Variants in FBXW10 observed in about 807,000 individuals in gnomAD.
FBXW10 encodes F-box and WD repeat domain containing 10.
In FBXW10, 68 loss-of-function variants were observed where a neutral mutation model predicts 113.1. The observed-to-expected ratio is 0.60, with a 90% CI of 0.49 to 0.74. The LOEUF (loss-of-function observed/expected upper bound fraction) is 0.74. Ranked by LOEUF, FBXW10 falls within the 30% of genes least tolerant of loss-of-function variation. The pLI, the probability that FBXW10 is intolerant of heterozygous loss-of-function variation, is 0.00. For synonymous variants in FBXW10, 289 were observed against 481.6 expected, an observed-to-expected ratio of 0.60 and a Z score of 5.24; for missense variants, 753 against 1,284.5, an observed-to-expected ratio of 0.59 and a Z score of 6.32.
At chr17:18,768,055 T>TTCCTTCCTTCCTTCCTTCC (rs1244201725) in intron 9 of FBXW10, among the ~76,000 whole-genome samples, 123 of 68,834 alleles carry the variant, frequency 1.8e-3, no homozygotes, top group Non-Finnish European at 2.3e-3. Flanking sequence ...TCCTTCCTTC[T>TTCCTTCCTTCCTTCCTTCC]TTCTTTCTTT....
At chr17:18,775,844 T>A (rs531187185) in intron 13 of FBXW10, among the ~76,000 whole-genome samples, 150 of 152,150 alleles carry the variant, frequency 9.9e-4, no homozygotes, top group African/African-American at 3.4e-3. Context: ...CCTGGGCCAC[T>A]TAGCAAGACC....
At chr17:18,755,004 T>A (rs912561846) in intron 5 of FBXW10, among the ~76,000 whole-genome samples, 1 of 152,190 alleles carries the variant, frequency 6.6e-6, no homozygotes, top group African/African-American at 2.4e-5. Context: ...GGCTCACACG[T>A]GTAATCCCAG....
In FBXW10 at chr17:18,764,814, C is replaced by T. The variant is rs1567621926; in HGVS notation, c.1506C>T (p.Asp502=). ...ACCAGGGGACTATCACTTGCATGGA[C>T]TTGTGTAAGAACAGGCTCGTATCTG... The part of the protein sequence containing the change: ...GGHQGTITCM[D]LCKNRLVSGG... Residue 502 remains aspartate, a synonymous_variant, in exon 8 of 14, where the codon GAC becomes GAT. Coordinates refer to ENST00000395665, the MANE Select transcript of FBXW10 (RefSeq NM_001267585.2). 3.7e-6 allele frequency: 6 copies of T among 1,613,922 alleles called. No homozygotes were observed. The Admixed American group carries it at 1.0e-4, about 27-fold the overall frequency.
At chr17:18,767,443 CAAAA>C (rs5819658) in intron 9 of FBXW10, among the ~76,000 whole-genome samples, 5 of 124,012 alleles carry the variant, frequency 4.0e-5, no homozygotes, top group Non-Finnish European at 7.0e-5. Flanking sequence ...TCATGCGTCT[CAAAA>C]AAAAAAAAAA....
Position 18,765,949 on chromosome 17 carries a change from G to A in FBXW10, c.1556-765G>A, listed in dbSNP as rs182066235. Among the ~76,000 whole-genome samples the A allele has an allele frequency of 5.9e-5, 9 of 151,270 alleles. 1 individual carries two copies. Among genetic ancestry groups the A allele is most frequent in the Admixed American group, 2.6e-4 (4 of 15,188 alleles). On this transcript the variant is annotated intron_variant, in intron 8 of 13. Transcript: ENST00000395665. ...TCACCATGTTGGCTAGGCTGGTCTC[G>A]ATTTCCTGACCTGGTGATCCACCTG...
chr17:18,767,705 C>G (rs1224594006), intron 9 of FBXW10, among the ~76,000 whole-genome samples: 1 of 152,118 alleles, frequency 6.6e-6, no homozygotes, highest in African/African-American at 2.4e-5. Context: ...GCTGGCTTGG[C>G]CTGTGGAATT....
rs572883925 is a variant in FBXW10, at chr17:18,744,304, C to T, written c.60C>T (p.Thr20=). Residue 20 remains threonine (T), a synonymous_variant, in exon 1 of 14, where the codon ACC becomes ACT. Transcript: ENST00000395665. The part of the protein sequence containing the change: ...NAPYFRCEKG[T]DSIPLCRKCE... ...CCTATTTTCGTTGTGAGAAGGGAACCGATTCCATCCCTCTATGCCGGAAGT... is the reference window on the plus strand; with the variant it reads ...CCTATTTTCGTTGTGAGAAGGGAACTGATTCCATCCCTCTATGCCGGAAGT... The T allele has an allele frequency of 9.6e-5, 155 of 1,612,664 alleles. No individual in the cohort carries two copies. The South Asian group carries it at 1.5e-3, about 16-fold the overall frequency.
At chr17:18,748,646 C>T (rs927896681) in intron 2 of FBXW10, among the ~76,000 whole-genome samples, 4 of 151,966 alleles carry the variant, frequency 2.6e-5, no homozygotes, top group African/African-American at 9.7e-5. Flanking sequence ...GCCCCCAAAC[C>T]CATATTTGCA....
At position 18,747,488 on chromosome 17, in the gene FBXW10, G is replaced by A. The variant is rs370087150; in HGVS notation, c.506-453G>A. Among the ~76,000 whole-genome samples the A allele has an allele frequency of 1.2e-4, 18 of 152,128 alleles. No individual in the cohort carries two copies. In the East Asian group the frequency reaches 2.3e-3, roughly 20 times the overall value. On this transcript the variant is annotated intron_variant, in intron 1 of 13. Transcript: ENST00000395665. ...GGAGAATCACTTGAACCCAGGAGGC[G>A]GAGGTTGCAGTGAGCCAAGACCGAG...
Position 18,750,916 on chromosome 17 carries a change from T to G in FBXW10, c.1000-15T>G. Reference sequence around the variant, plus strand: ...CTGTTTTTATTTTTATTTTTTATTTTTTGTCTTTTTCCAGGGGTCCTACAC... The same window carrying G: ...CTGTTTTTATTTTTATTTTTTATTTGTTGTCTTTTTCCAGGGGTCCTACAC... On this transcript the variant is annotated splice_polypyrimidine_tract_variant and intron_variant, in intron 4 of 13. Transcript: ENST00000395665. The G allele has an allele frequency of 1.2e-6, 2 of 1,607,082 alleles. No homozygotes were observed. Among genetic ancestry groups the G allele is most frequent in the Non-Finnish European group, 8.5e-7 (1 of 1,177,460 alleles).
intron 1 of FBXW10, 146 bp from the exon 2 acceptor site, chr17:18,747,795 C>T: frequency 7.6e-7 from 1 of 1,311,652 alleles, no homozygotes; most frequent in Non-Finnish European, 1.0e-6. Context: ...AGTTTGGAGG[C>T]CCCAAATAAA....
In FBXW10 at chr17:18,765,190, TA is replaced by T. The variant is rs2035471122; in HGVS notation, c.1555+328del. Among the ~76,000 whole-genome samples the T allele has an allele frequency of 2.0e-5, 3 of 152,190 alleles. No individual in the cohort carries two copies. The East Asian group carries it at 5.8e-4, about 29-fold the overall frequency. On this transcript the variant is annotated intron_variant, in intron 8 of 13. Coordinates refer to ENST00000395665, the MANE Select transcript of FBXW10 (RefSeq NM_001267585.2). ...TAATGGAAGCAGATACATAAATATA[TA>T]GTGGGGAATATAATAAGTCCATGAA...
intron 2 of FBXW10, among the ~76,000 whole-genome samples, chr17:18,748,359 C>T (rs1206745056): frequency 4.9e-5 from 7 of 142,432 alleles, no homozygotes; most frequent in African/African-American, 1.3e-4. Flanking sequence ...TGCAGTGAGC[C>T]GAGATCATGC....
intron 12 of FBXW10, among the ~76,000 whole-genome samples, chr17:18,774,272 C>A (rs1362993406): frequency 2.0e-5 from 3 of 152,212 alleles, no homozygotes; most frequent in Non-Finnish European, 4.4e-5. Flanking sequence ...TGGTCACGCA[C>A]CAGAGCAGGA....
chr17:18,744,790 A>C, intron 1 of FBXW10, 41 bp downstream of exon 1: 1 of 1,592,780 alleles, frequency 6.3e-7, no homozygotes, highest in Non-Finnish European at 8.6e-7. Context: ...GCCCCCGAAG[A>C]CCAGAAGGCA....
At chr17:18,747,379 G>A (rs933194927) in intron 1 of FBXW10, among the ~76,000 whole-genome samples, 4 of 152,092 alleles carry the variant, frequency 2.6e-5, no homozygotes, top group African/African-American at 9.7e-5. Flanking sequence ...TGGCCAACAT[G>A]GCGAAACCCC....
In FBXW10 at chr17:18,744,188, T is replaced by C. The variant is rs1013644169; in HGVS notation, c.-57T>C. 2.0e-6 allele frequency: 3 copies of C among 1,536,340 alleles called. No homozygotes were observed. Among genetic ancestry groups the C allele is most frequent in the Non-Finnish European group, 2.6e-6 (3 of 1,139,594 alleles). ...TCATTCCCCCCGTTCCTCTAGTGTT[T>C]GGTGGCGTTGCCGTTGCAAGTGCGC... On this transcript the variant is annotated 5_prime_UTR_variant, in exon 1 of 14. Transcript: ENST00000395665.
At chr17:18,776,981 C>T (rs1341651272) in intron 13 of FBXW10, among the ~76,000 whole-genome samples, 1 of 150,970 alleles carries the variant, frequency 6.6e-6, no homozygotes, top group Non-Finnish European at 1.5e-5. Context: ...ATCACAATTC[C>T]TTTTTTTATA....
chr17:18,758,352 C>T lies in FBXW10; in HGVS notation c.1280C>T (p.Ala427Val), dbSNP rs2035310024. Residue 427 changes from alanine to valine, a missense_variant, in exon 7 of 14, where the codon GCT becomes GTT. By Grantham distance (64) the Ala-to-Val change is moderately conservative. Coordinates refer to ENST00000395665, the MANE Select transcript of FBXW10 (RefSeq NM_001267585.2). ...CACTATTCCGGGGGAGATCTGATAG[C>T]TGTGTCATCTAATCGAAAGATCCAT... The part of the protein sequence containing the change: ...VIHYSGGDLI[A>V]VSSNRKIHLL... The T allele has an allele frequency of 6.2e-7, 1 of 1,605,040 alleles. No homozygotes were observed. Among genetic ancestry groups the T allele is most frequent in the African/African-American group, 1.3e-5 (1 of 74,560 alleles).
Sources: allele counts gnomAD v4.1 joint callset (sites outside exome capture counted in the v4.1 genomes callset), GRCh38; gene constraint gnomAD v4.1.1; transcripts MANE v1.5; gene names NCBI Gene and HGNC (gene_info 2026-07-23, HGNC 2026-07-21).